TTN: variants seen among roughly 807,000 people sequenced by gnomAD.
TTN encodes the protein connectin.
A neutral mutation model predicts 3,223.0 loss-of-function variants in TTN; 1,525 were observed. That is an observed-to-expected ratio of 0.47 (90% CI 0.45 to 0.49). TTN has a LOEUF of 0.49. Ranked by LOEUF, TTN falls within the 20% of genes least tolerant of loss-of-function variation. The pLI is 0.00. For missense variants in TTN, 40,786 were observed against 43,424.0 expected (o/e 0.94, Z 5.40); for synonymous variants, 14,094 against 15,161.0 (o/e 0.93, Z 5.17).
chr2:178,605,426 G>T lies in TTN; in HGVS notation c.53869C>A (p.Gln17957Lys), dbSNP rs2054555102. 1 of 1,599,240 alleles carries T rather than the reference G, an allele frequency of 6.3e-7. No individual in the cohort carries two copies. Among genetic ancestry groups the T allele is most frequent in the East Asian group, 2.3e-5 (1 of 44,440 alleles). Residue 17957 changes from glutamine (Q) to lysine (K), a missense_variant, in exon 279 of 363, where the codon CAA (glutamine) becomes AAA (lysine). Physicochemically the swap from Gln to Lys is moderately conservative, Grantham distance 53. Transcript: ENST00000589042. ...EPSLPLNVVIQDDEVPPTIKL... is the reference protein window; with the variant it reads ...EPSLPLNVVIKDDEVPPTIKL... Reference sequence around the variant, plus strand: ...TCAGATTCCGCACCTTCATCATCTTGTATGACTACATTAAGAGGTAGGGAT... The same window carrying T: ...TCAGATTCCGCACCTTCATCATCTTTTATGACTACATTAAGAGGTAGGGAT...
Position 178,547,029 on chromosome 2 carries a change from C to A in TTN, c.94496G>T (p.Arg31499Ile). ...AGVSKASEASRPIMAQNPVDA... is the reference protein window; with the variant it reads ...AGVSKASEASIPIMAQNPVDA... ...AACTGGATTTTGAGCCATTATAGGT[C>A]TTGAAGCTTCGCTGGCCTTGCTAAC... The change falls in exon 340 of 363, where the codon AGA (arginine) becomes ATA (isoleucine). Residue 31499 changes from arginine to isoleucine, a missense_variant. Coordinates refer to ENST00000589042, the MANE Select transcript of TTN (RefSeq NM_001267550.2). 6.2e-7 allele frequency: 1 copy of A among 1,612,832 alleles called. No homozygotes were observed. The highest frequency in any genetic ancestry group is 8.5e-7 in the Non-Finnish European group (1 of 1,179,088).
In TTN at chr2:178,566,535, C is replaced by T; in HGVS notation, c.79597G>A (p.Glu26533Lys). ...VVEICKADEE[E>K]WQIVTPQTGL... Reference sequence around the variant, plus strand: ...GTCTGTGGAGTAACTATTTGCCATTCTTCTTCATCTGCTTTACAGATTTCT... The same window carrying T: ...GTCTGTGGAGTAACTATTTGCCATTTTTCTTCATCTGCTTTACAGATTTCT... The change falls in exon 326 of 363, where the codon GAA (glutamate) becomes AAA (lysine). Residue 26533 changes from glutamate to lysine, a missense_variant. Physicochemically the swap from Glu to Lys is moderately conservative, Grantham distance 56 (BLOSUM62 1). Coordinates refer to ENST00000589042, the MANE Select transcript of TTN (RefSeq NM_001267550.2). The T allele has an allele frequency of 6.2e-7, 1 of 1,613,390 alleles. No individual in the cohort carries two copies. Among genetic ancestry groups the T allele is most frequent in the Non-Finnish European group, 8.5e-7 (1 of 1,179,696 alleles).
rs572618111 is a variant in TTN at position 178,544,400 on chromosome 2, T to C, written c.95829A>G (p.Gly31943=). The change falls in exon 345 of 363, where the codon GGA becomes GGG. Residue 31943 remains glycine, a synonymous_variant. Transcript: ENST00000589042. ...PMYDGGTDIV[G]YVLEMQEKDT... is the part of the protein sequence containing the mutation. ...CCTTCTCTTGCATTTCCAGAACATA[T>C]CCTACAATGTCAGTACCACCATCGT... 9 of 1,613,738 alleles carry C rather than the reference T, an allele frequency of 5.6e-6. No homozygotes were observed. The East Asian group carries it at 1.6e-4, about 28-fold the overall frequency.
At position 178,794,975 on chromosome 2, in the gene TTN, C is replaced by A; in HGVS notation, c.1192G>T (p.Val398Leu). 1 of 1,606,906 alleles carries A rather than the reference C, an allele frequency of 6.2e-7. No homozygotes were observed. The highest frequency in any genetic ancestry group is 2.2e-5 in the East Asian group (1 of 44,884). ...GCTGCGTAGCTAGCACTGGCCGACA[C>A]ACTGGCGGCAGCACCCGCAGCACCA... ...ISGAAGAAAS[V>L]SASASYAAEA... Residue 398 changes from valine to leucine, a missense_variant, in exon 7 of 363, where the codon GTG (valine) becomes TTG (leucine). By Grantham distance (32) the Val-to-Leu change is conservative. Transcript: ENST00000589042.
chr2:178,790,193 A>T, intron 11 of TTN, 78 bp from the exon 12 acceptor site: 1 of 1,486,436 alleles, frequency 6.7e-7, no homozygotes, highest in Non-Finnish European at 9.1e-7. Context: ...AGTCAAAAAG[A>T]AAGGAGGCAA....
At chr2:178,745,392 T>C in intron 47 of TTN, 2 of 1,426,078 alleles carry the variant, frequency 1.4e-6, no homozygotes, top group Non-Finnish European at 1.8e-6. Context: ...ATTCCACAGT[T>C]CAGATAACAA....
intron 245 of TTN, 46 bp from the exon 246 acceptor site, chr2:178,621,414 C>T (rs1357138901): frequency 7.5e-6 from 12 of 1,607,228 alleles, no homozygotes; most frequent in Non-Finnish European, 1.0e-5. Context: ...TGTCTTTGTA[C>T]TTTAAATCTA....
At chr2:178,598,388 T>G in intron 292 of TTN, 118 bp downstream of exon 292, 1 of 1,230,462 alleles carries the variant, frequency 8.1e-7, no homozygotes, top group Non-Finnish European at 1.1e-6. Context: ...GTTAAAATTA[T>G]GCTATTTTCC....
In TTN at chr2:178,676,848, G is replaced by T. The variant is rs1302808152; in HGVS notation, c.34378+353C>A. 3.3e-5 allele frequency among the ~76,000 whole-genome samples: 5 copies of T among 151,590 alleles called. No homozygotes were observed. In the South Asian group the frequency reaches 1.0e-3, roughly 32 times the overall value. ...CATTTAATATAAATGGTTGAAGGAA[G>T]AAATTTAAGAATATTTATTCATAAT... is the stretch of plus-strand genomic sequence containing the variant. On this transcript the variant is annotated intron_variant, in intron 147 of 362. Coordinates refer to ENST00000589042, the MANE Select transcript of TTN (RefSeq NM_001267550.2).
chr2:178,564,499 A>G lies in TTN; in HGVS notation c.81633T>C (p.Asp27211=). ...KITGYIVEKK[D]LPDGRWMKAS... is the part of the protein sequence containing the mutation. Reference sequence around the variant, plus strand: ...CTTTCATCCAGCGGCCATCAGGTAGATCTTTCTTTTCTACAATATAACCTG... The same window carrying G: ...CTTTCATCCAGCGGCCATCAGGTAGGTCTTTCTTTTCTACAATATAACCTG... Residue 27211 remains aspartate, a synonymous_variant, in exon 326 of 363, where the codon GAT becomes GAC. Transcript: ENST00000589042. The G allele has an allele frequency of 6.2e-7, 1 of 1,612,328 alleles. No individual in the cohort carries two copies. The highest frequency in any genetic ancestry group is 8.5e-7 in the Non-Finnish European group (1 of 1,179,086).
Position 178,578,594 on chromosome 2 carries a change from A to G in TTN, c.68329+17T>C. On this transcript the variant is annotated intron_variant, in intron 321 of 362. Transcript: ENST00000589042. The stretch of plus-strand genomic sequence containing the variant: ...AATCTTGATGTAAAAGCTGTAGGAT[A>G]AGAACAAACAAAATACCTGTAATTG... The G allele has an allele frequency of 6.3e-7, 1 of 1,581,546 alleles. No individual in the cohort carries two copies. Among genetic ancestry groups the G allele is most frequent in the Non-Finnish European group, 8.7e-7 (1 of 1,154,140 alleles).
rs553614377 is a variant in TTN at position 178,556,901 on chromosome 2, G to T, written c.88253C>A (p.Ser29418Tyr). Residue 29418 changes from serine (S) to tyrosine (Y), a missense_variant, in exon 330 of 363, where the codon TCC becomes TAC. Transcript: ENST00000589042. ...TACAACCTCAGATGGATTGCTAATG[G>T]AACCAACAGCATTCCTAGCAAAGAC... Reference protein sequence around the residue: ...FRVFARNAVGSISNPSEVVGP... With the variant: ...FRVFARNAVGYISNPSEVVGP... 4 of 1,613,790 alleles carry T rather than the reference G, an allele frequency of 2.5e-6. No homozygotes were observed. The African/African-American group carries it at 5.3e-5, about 22-fold the overall frequency.
rs1321989289 is a variant in TTN, at chr2:178,563,558, G to A, written c.82574C>T (p.Thr27525Met). The A allele has an allele frequency of 4.3e-6, 7 of 1,613,766 alleles. No individual in the cohort carries two copies. Among genetic ancestry groups the A allele is most frequent in the East Asian group, 4.5e-5 (2 of 44,854 alleles). ...RWTKCNKKTLTDLRLRVTGLT... is the reference protein window; with the variant it reads ...RWTKCNKKTLMDLRLRVTGLT... ...ACCAGTTACCCTGAGCCGCAGATCC[G>A]TTAATGTTTTCTTGTTGCACTTGGT... The change falls in exon 326 of 363, where the codon ACG becomes ATG. Residue 27525 changes from threonine to methionine, a missense_variant. Physicochemically the swap from Thr to Met is moderately conservative, Grantham distance 81. Coordinates refer to ENST00000589042, the MANE Select transcript of TTN (RefSeq NM_001267550.2). This position sits in a 1 kb window ranked among gnomAD's most constrained non-coding sequence, Gnocchi z 4.5.
At chr2:178,749,523 G>A in intron 47 of TTN, 1 of 1,612,832 alleles carries the variant, frequency 6.2e-7, no homozygotes, top group Non-Finnish European at 8.5e-7. Flanking sequence ...GGAGTAAAGG[G>A]ACCAGCTGGA....
Position 178,786,079 on chromosome 2 carries a change from T to C in TTN, c.2139A>G (p.Arg713=), listed in dbSNP as rs1340458399. The change falls in exon 14 of 363, where the codon CGA becomes CGG. Residue 713 remains arginine (R), a synonymous_variant. Transcript: ENST00000589042. Reference sequence around the variant, plus strand: ...GCCCAGGCTCTCTGGGCTCTCTGACTCGGGCCTGGTCTACTGCAGCAACAA... The same window carrying C: ...GCCCAGGCTCTCTGGGCTCTCTGACCCGGGCCTGGTCTACTGCAGCAACAA... ...ATVVAAVDQA[R]VREPREPGHL... 1 of 1,614,072 alleles carries C rather than the reference T, an allele frequency of 6.2e-7. No homozygotes were observed.
intron 2 of TTN, among the ~76,000 whole-genome samples, 186 bp downstream of exon 2, chr2:178,804,366 T>C (rs2094212136): frequency 6.6e-6 from 1 of 152,214 alleles, no homozygotes; most frequent in African/African-American, 2.4e-5. Flanking sequence ...TTTCAAGCCA[T>C]TATATTGTCA....
intron 88 of TTN, 25 bp downstream of exon 88, chr2:178,717,070 C>G (rs745622199): frequency 6.3e-7 from 1 of 1,583,702 alleles, no homozygotes; most frequent in South Asian, 1.2e-5. Flanking sequence ...TAAAAGAGAT[C>G]TTGCTCCTTC....
At position 178,528,324 on chromosome 2, in the gene TTN, G is replaced by A; in HGVS notation, c.107327C>T (p.Ala35776Val). 2 of 1,613,906 alleles carry A rather than the reference G, an allele frequency of 1.2e-6. No individual in the cohort carries two copies. Among genetic ancestry groups the A allele is most frequent in the Non-Finnish European group, 1.7e-6 (2 of 1,179,834 alleles). The change falls in exon 361 of 363, where the codon GCC becomes GTC. Residue 35776 changes from alanine to valine, a missense_variant. Transcript: ENST00000589042. ...VSDSGKYTIK[A>V]KNFRGQCSAT... is the part of the protein sequence containing the mutation. ...TGAACACTGGCCACGGAAATTTTTG[G>A]CCTTAATTGTGTACTTTCCACTGTC... is the stretch of plus-strand genomic sequence containing the variant.
chr2:178,586,974 C>G, intron 307 of TTN, 144 bp downstream of exon 307: 1 of 1,368,168 alleles, frequency 7.3e-7, no homozygotes, highest in African/African-American at 1.5e-5. Flanking sequence ...AAAAGTGTTT[C>G]ATGAGTGAGA....
Sources: gnomAD v4.1 joint callset for allele counts (sites outside exome capture counted in the v4.1 genomes callset) on GRCh38, gnomAD v4.1.1 for gene constraint, Gnocchi (gnomAD v3.1) non-coding constraint, MANE v1.5 for transcripts, NCBI Gene and HGNC (gene_info 2026-07-23, HGNC 2026-07-21) for gene names.